Variants in ADAMTSL1 observed in about 807,000 individuals in gnomAD.
ADAMTSL1 encodes the protein ADAMTS like 1.
Under a neutral mutation model 201.8 loss-of-function variants are expected in ADAMTSL1, and 126 were observed. The observed-to-expected ratio is 0.62, with a 90% CI of 0.54 to 0.72. ADAMTSL1 has a LOEUF of 0.72. Ranked by LOEUF, ADAMTSL1 falls within the 30% of genes least tolerant of loss-of-function variation. The probability of loss-of-function intolerance (pLI) is 0.00; values close to 1 mark genes in which losing one functional copy is unlikely to be tolerated. For synonymous variants in ADAMTSL1, 1,121 were observed against 903.4 expected, an observed-to-expected ratio of 1.24 and a Z score of -4.32; for missense variants, 2,679 against 2,277.8, an observed-to-expected ratio of 1.18 and a Z score of -3.59.
At chr9:17,931,522 T>C (rs1826787898) in intron 1 of ADAMTSL1, among the ~76,000 whole-genome samples, 1 of 152,104 alleles carries the variant, frequency 6.6e-6, no homozygotes, top group Non-Finnish European at 1.5e-5. Context: ...ACATTTAAAC[T>C]CTAAAATTTC....
chr9:18,043,846 A>G (rs964027281), intron 1 of ADAMTSL1, among the ~76,000 whole-genome samples: 9 of 151,780 alleles, frequency 5.9e-5, no homozygotes, highest in Admixed American at 3.9e-4. Flanking sequence ...TACTTTAGAT[A>G]TGGTGAGCTT....
chr9:18,267,140 T>C (rs1832149807), intron 2 of ADAMTSL1, among the ~76,000 whole-genome samples: 1 of 152,142 alleles, frequency 6.6e-6, no homozygotes, highest in Admixed American at 6.6e-5. Context: ...AACATCACTT[T>C]ATGTTGCTGT....
At chr9:18,461,652 G>A (rs1820810790) in intron 2 of ADAMTSL1, among the ~76,000 whole-genome samples, 1 of 152,102 alleles carries the variant, frequency 6.6e-6, no homozygotes, top group South Asian at 2.1e-4. Flanking sequence ...CAGTTACAAG[G>A]CAGTATCTTG....
intron 1 of ADAMTSL1, among the ~76,000 whole-genome samples, chr9:17,947,345 A>ACACC (rs1554668687): frequency 0.21 from 30,353 of 146,232 alleles, 3,334 homozygotes; most frequent in East Asian, 0.35. Context: ...ACACACACAC[A>ACACC]CCCCACTATG....
At chr9:18,670,154 T>G (rs1214141399) in intron 9 of ADAMTSL1, among the ~76,000 whole-genome samples, 2 of 152,208 alleles carry the variant, frequency 1.3e-5, no homozygotes, top group Non-Finnish European at 2.9e-5. Flanking sequence ...ATTTTGTTCA[T>G]TTTTTAAAAT....
intron 4 of ADAMTSL1, among the ~76,000 whole-genome samples, chr9:18,596,389 A>C (rs1824263172): frequency 6.6e-6 from 1 of 152,158 alleles, no homozygotes; most frequent in African/African-American, 2.4e-5. Context: ...ATCATGGACT[A>C]ATTTACTAGG....
chr9:18,313,620 G>T (rs1834238689), intron 2 of ADAMTSL1, among the ~76,000 whole-genome samples: 1 of 152,062 alleles, frequency 6.6e-6, no homozygotes, highest in Admixed American at 6.5e-5. Flanking sequence ...ACATGCAAAA[G>T]AATAAAATTG....
chr9:18,179,909 C>T (rs1368204023), intron 2 of ADAMTSL1, among the ~76,000 whole-genome samples: 4 of 152,016 alleles, frequency 2.6e-5, no homozygotes, highest in African/African-American at 9.7e-5. Flanking sequence ...AAGTACCAGC[C>T]ACTGCAAAAT....
intron 2 of ADAMTSL1, among the ~76,000 whole-genome samples, chr9:18,243,565 G>A (rs11787755): frequency 0.033 from 5,064 of 151,870 alleles, 127 homozygotes; most frequent in Non-Finnish European, 0.054. Context: ...TGTTTTTGCT[G>A]GACCTCTATA....
At chr9:18,762,793 A>T (rs1820148819) in intron 16 of ADAMTSL1, among the ~76,000 whole-genome samples, 1 of 151,878 alleles carries the variant, frequency 6.6e-6, no homozygotes, top group Non-Finnish European at 1.5e-5. Context: ...TAACATAATA[A>T]CCTCCAGTTC....
At chr9:18,087,623 G>C (rs1029766671) in intron 1 of ADAMTSL1, among the ~76,000 whole-genome samples, 3 of 152,072 alleles carry the variant, frequency 2.0e-5, no homozygotes, top group Non-Finnish European at 4.4e-5. Flanking sequence ...AGACATGTTT[G>C]AGTATAGGAT....
chr9:18,353,898 G>A (rs966371687), intron 2 of ADAMTSL1, among the ~76,000 whole-genome samples: 4 of 151,864 alleles, frequency 2.6e-5, no homozygotes, highest in African/African-American at 9.7e-5. Context: ...TGAAAATTCA[G>A]TCAATTATAA....
At chr9:18,260,426 C>T (rs1284618479) in intron 2 of ADAMTSL1, among the ~76,000 whole-genome samples, 6 of 152,238 alleles carry the variant, frequency 3.9e-5, no homozygotes, top group African/African-American at 1.4e-4. Context: ...ACTGTCTCGG[C>T]TTTCAGCAAT....
intron 2 of ADAMTSL1, among the ~76,000 whole-genome samples, chr9:18,529,423 C>G (rs1363296067): frequency 6.6e-6 from 1 of 152,146 alleles, no homozygotes. Flanking sequence ...GTTTGATAGA[C>G]TTAGGAGTTA....
chr9:18,647,008 C>G (rs531406658), intron 7 of ADAMTSL1, among the ~76,000 whole-genome samples: 1 of 152,054 alleles, frequency 6.6e-6, no homozygotes, highest in Non-Finnish European at 1.5e-5. Context: ...GGCTGTGAAT[C>G]CATCTGGTCC....
At chr9:18,190,363 C>G (rs1828922530) in intron 2 of ADAMTSL1, among the ~76,000 whole-genome samples, 1 of 152,170 alleles carries the variant, frequency 6.6e-6, no homozygotes, top group Non-Finnish European at 1.5e-5. Flanking sequence ...TCCATCTAAG[C>G]TGACTTTATT....
intron 1 of ADAMTSL1, among the ~76,000 whole-genome samples, chr9:17,976,665 C>G (rs906522056): frequency 6.6e-5 from 10 of 151,580 alleles, no homozygotes; most frequent in African/African-American, 2.2e-4. Context: ...CTCTCTCTCT[C>G]CACTCTCTCT....
intron 1 of ADAMTSL1, among the ~76,000 whole-genome samples, chr9:18,131,605 C>A (rs2187452): frequency 6.6e-6 from 1 of 152,220 alleles, no homozygotes; most frequent in Non-Finnish European, 1.5e-5. Context: ...CTTCCATAGA[C>A]TGACAAGGAC....
intron 13 of ADAMTSL1, among the ~76,000 whole-genome samples, chr9:18,699,320 C>CTT (rs34869167): frequency 6.6e-4 from 79 of 120,246 alleles, no homozygotes; most frequent in Middle Eastern, 4.3e-3. Context: ...GGGTTTTTTA[C>CTT]TTTTTTTTTT....
Sources: gnomAD v4.1 joint callset for allele counts (sites outside exome capture counted in the v4.1 genomes callset) on GRCh38, gnomAD v4.1.1 for gene constraint, MANE v1.5 for transcripts, NCBI Gene and HGNC (gene_info 2026-07-23, HGNC 2026-07-21) for gene names.